SS18L1: variants seen among roughly 807,000 people sequenced by gnomAD.
The protein encoded by SS18L1 is SS18L1 subunit of BAF chromatin remodeling complex, also known as calcium-responsive transactivator.
In SS18L1, 32 loss-of-function variants were observed where a neutral mutation model predicts 70.3. The observed-to-expected ratio is 0.46, with a 90% confidence interval of 0.34 to 0.61. The LOEUF is 0.61. Among genes scored for constraint, SS18L1 ranks in the 20% least tolerant of loss-of-function variants. SS18L1 has a pLI of 0.01. For missense variants in SS18L1, 430 were observed against 542.1 expected (o/e 0.79, Z 2.05); for synonymous variants, 237 against 229.7 (o/e 1.03, Z -0.29).
At chr20:62,156,071 C>T (rs972513828) in intron 1 of SS18L1, among the ~76,000 whole-genome samples, 3 of 151,294 alleles carry the variant, frequency 2.0e-5, no homozygotes, top group Non-Finnish European at 2.9e-5. Context: ...CTTCGTCGTG[C>T]GTACATAAAC....
chr20:62,146,817 CTG>C (rs1320850136), intron 1 of SS18L1, among the ~76,000 whole-genome samples: 2 of 151,982 alleles, frequency 1.3e-5, no homozygotes, highest in Admixed American at 1.3e-4. Context: ...CGGAGTTTCT[CTG>C]TGTTGGCCAG....
chr20:62,176,517 A>G (rs1436522885), intron 10 of SS18L1, among the ~76,000 whole-genome samples: 2 of 152,010 alleles, frequency 1.3e-5, no homozygotes, highest in Non-Finnish European at 2.9e-5. Context: ...TTTGTCTTAA[A>G]AAAAGGAAAA....
intron 1 of SS18L1, among the ~76,000 whole-genome samples, chr20:62,153,333 C>G (rs1269147510): frequency 6.6e-6 from 1 of 152,200 alleles, no homozygotes; most frequent in Non-Finnish European, 1.5e-5. Flanking sequence ...CAGACAGACC[C>G]TATCAGGGCA....
chr20:62,154,655 G>A (rs955175753), intron 1 of SS18L1, among the ~76,000 whole-genome samples: 1 of 152,218 alleles, frequency 6.6e-6, no homozygotes, highest in Non-Finnish European at 1.5e-5. Flanking sequence ...GGAATCCACT[G>A]TCCTTCACGT....
chr20:62,173,246 A>T (rs932308775), intron 9 of SS18L1, among the ~76,000 whole-genome samples: 70 of 152,258 alleles, frequency 4.6e-4, no homozygotes, highest in Middle Eastern at 3.4e-3. Context: ...GCAGCTTACA[A>T]TCACCCAGGA....
intron 1 of SS18L1, among the ~76,000 whole-genome samples, chr20:62,148,631 C>G (rs1433771674): frequency 1.3e-5 from 2 of 152,222 alleles, no homozygotes; most frequent in African/African-American, 2.4e-5. Flanking sequence ...TCCTTGCTGT[C>G]TTAGGTCAGG....
intron 1 of SS18L1, among the ~76,000 whole-genome samples, chr20:62,156,908 T>C (rs549631921): frequency 5.6e-4 from 85 of 152,320 alleles, no homozygotes; most frequent in African/African-American, 1.9e-3. Context: ...TGCTTTTTCC[T>C]TGGGTGCCAG....
At chr20:62,144,890 G>T (rs747240833) in intron 1 of SS18L1, among the ~76,000 whole-genome samples, 4 of 152,232 alleles carry the variant, frequency 2.6e-5, no homozygotes, top group African/African-American at 4.8e-5. Context: ...GGGATAAACA[G>T]TGGTATTCCT....
rs2057290247 is a variant in SS18L1 at position 62,159,723 on chromosome 20, G to T, written c.147-154G>T. Among the ~76,000 whole-genome samples, 2 of 152,064 alleles carry T rather than the reference G, an allele frequency of 1.3e-5. No individual in the cohort carries two copies. The highest frequency in any genetic ancestry group is 1.5e-5 in the Non-Finnish European group (1 of 68,010). The stretch of plus-strand genomic sequence containing the variant: ...CCGAGACCCCAGCACCCTGCCACCT[G>T]CCTGTGTCCAGCTGGGTGTCATCTG... On this transcript the variant is annotated intron_variant, in intron 2 of 10. Coordinates refer to ENST00000331758, the MANE Select transcript of SS18L1 (RefSeq NM_198935.3). This position sits in a 1 kb window ranked among gnomAD's most constrained non-coding sequence, Gnocchi z 4.4.
At chr20:62,162,314 T>TG (rs1478027822) in intron 4 of SS18L1, among the ~76,000 whole-genome samples, 1 of 146,488 alleles carries the variant, frequency 6.8e-6, no homozygotes, top group African/African-American at 2.8e-5. Context: ...TTTCTTTTTT[T>TG]TTTGAGACAG....
chr20:62,174,816 T>G lies in SS18L1; in HGVS notation c.1164+172T>G. On this transcript the variant is annotated intron_variant, in intron 10 of 10. Coordinates refer to ENST00000331758, the MANE Select transcript of SS18L1 (RefSeq NM_198935.3). The surrounding 1 kb of genome is among the most constrained non-coding windows in gnomAD (Gnocchi z 4.1). ...AAGGTTTTGCAGAATTGCCTCTGTGTATACGCTCACCTCAGTCATCCAGCT... is the reference window on the plus strand; with the variant it reads ...AAGGTTTTGCAGAATTGCCTCTGTGGATACGCTCACCTCAGTCATCCAGCT... 6.6e-7 allele frequency: 1 copy of G among 1,504,132 alleles called. No individual in the cohort carries two copies. Among genetic ancestry groups the G allele is most frequent in the Admixed American group, 2.0e-5 (1 of 49,282 alleles). The allele number at this position is 1,504,132 out of a possible 1,614,324, so 93.2% of individuals were successfully genotyped here.
chr20:62,163,541 A>C lies in SS18L1; in HGVS notation c.640A>C (p.Ile214Leu), dbSNP rs934470873. Residue 214 changes from isoleucine to leucine, a missense_variant, in exon 6 of 11, where the codon ATC becomes CTC. Physicochemically the swap from Ile to Leu is conservative, Grantham distance 5 (BLOSUM62 2). Transcript: ENST00000331758. ...GSQHYQGQSSIAMMGQGSQGS... is the reference protein window; with the variant it reads ...GSQHYQGQSSLAMMGQGSQGS... Reference sequence around the variant, plus strand: ...CCAGCACTACCAGGGCCAGTCGTCCATCGCCATGATGGGGCAGGGCAGCCA... The same window carrying C: ...CCAGCACTACCAGGGCCAGTCGTCCCTCGCCATGATGGGGCAGGGCAGCCA... 1 of 1,611,534 alleles carries C rather than the reference A, an allele frequency of 6.2e-7. No individual in the cohort carries two copies.
At chr20:62,167,396 C>CG (rs1256197675) in intron 8 of SS18L1, among the ~76,000 whole-genome samples, 1 of 143,202 alleles carries the variant, frequency 7.0e-6, no homozygotes, top group Non-Finnish European at 1.5e-5. Flanking sequence ...CTTTCTCTCC[C>CG]GAAAAAAAAA....
At chr20:62,160,688 A>G (rs2057313695) in intron 3 of SS18L1, among the ~76,000 whole-genome samples, 1 of 152,192 alleles carries the variant, frequency 6.6e-6, no homozygotes, top group Non-Finnish European at 1.5e-5. Context: ...GGAATGACGT[A>G]TCTCCTAGTG....
chr20:62,151,926 T>C (rs2427266), intron 1 of SS18L1, among the ~76,000 whole-genome samples: 22,892 of 99,608 alleles, frequency 0.23, 6,361 homozygotes, highest in African/African-American at 0.68. Context: ...TCCCCCGTTC[T>C]CCTCTTTTCC....
At chr20:62,169,395 G>T (rs1227127677) in intron 8 of SS18L1, among the ~76,000 whole-genome samples, 1 of 152,224 alleles carries the variant, frequency 6.6e-6, no homozygotes, top group Non-Finnish European at 1.5e-5. Context: ...GGTGGAAGCG[G>T]CCACCTTCCC....
intron 1 of SS18L1, among the ~76,000 whole-genome samples, chr20:62,149,019 T>C (rs1423826861): frequency 2.0e-5 from 3 of 152,158 alleles, no homozygotes; most frequent in East Asian, 3.9e-4. Flanking sequence ...CTGCGGGTGC[T>C]CTCCTCGAGG....
chr20:62,160,089 C>T, intron 3 of SS18L1, 128 bp downstream of exon 3: 1 of 950,112 alleles, frequency 1.1e-6, no homozygotes. Context: ...ACCACTAGAG[C>T]CACCAGAAAT....
intron 1 of SS18L1, among the ~76,000 whole-genome samples, chr20:62,144,807 C>T (rs976267521): frequency 6.6e-6 from 1 of 152,262 alleles, no homozygotes; most frequent in South Asian, 2.1e-4. Context: ...TTTCAGTTGT[C>T]ACAACATCTG....
Sources: gnomAD v4.1 joint callset for allele counts (sites outside exome capture counted in the v4.1 genomes callset) on GRCh38, gnomAD v4.1.1 for gene constraint, Gnocchi (gnomAD v3.1) non-coding constraint, MANE v1.5 for transcripts, NCBI Gene and HGNC (gene_info 2026-07-23, HGNC 2026-07-21) for gene names.